EPHA6: variants seen among roughly 807,000 people sequenced by gnomAD.
The protein encoded by EPHA6 is EPH receptor A6.
In EPHA6, 50 loss-of-function variants were observed where a neutral mutation model predicts 112.0. The observed-to-expected ratio is 0.45, with a 90% confidence interval of 0.36 to 0.56. The LOEUF is 0.56. EPHA6 is among the 20% of genes least tolerant of loss of function. The pLI, the probability that EPHA6 is intolerant of heterozygous loss-of-function variation, is 0.00. For missense variants in EPHA6, 1,280 were observed against 1,417.4 expected, an observed-to-expected ratio of 0.90 and a Z score of 1.56; for synonymous variants, 529 against 490.7, an observed-to-expected ratio of 1.08 and a Z score of -1.03.
intron 1 of EPHA6, among the ~76,000 whole-genome samples, chr3:96,835,864 T>C (rs955020236): frequency 3.9e-5 from 6 of 152,120 alleles, no homozygotes; most frequent in Non-Finnish European, 4.4e-5. Context: ...TGTGGTGGAA[T>C]GAATCTCGTC....
chr3:96,990,398 A>C (rs759994593), intron 3 of EPHA6, among the ~76,000 whole-genome samples: 19 of 152,278 alleles, frequency 1.2e-4, no homozygotes, highest in Admixed American at 2.6e-4. Flanking sequence ...TGATTGCAGA[A>C]ACATGAGGGA....
At chr3:96,817,828 T>C (rs1481269353) in intron 1 of EPHA6, among the ~76,000 whole-genome samples, 1 of 151,908 alleles carries the variant, frequency 6.6e-6, no homozygotes, top group African/African-American at 2.4e-5. Context: ...AAAAGTAAAC[T>C]ACCTCATTCT....
chr3:97,467,936 A>C (rs1308389514), intron 7 of EPHA6, among the ~76,000 whole-genome samples: 1 of 151,804 alleles, frequency 6.6e-6, no homozygotes, highest in East Asian at 1.9e-4. Flanking sequence ...CTGCTTCTCC[A>C]TTAAATTGTA....
intron 14 of EPHA6, among the ~76,000 whole-genome samples, chr3:97,656,661 A>T (rs1043868074): frequency 6.6e-6 from 1 of 151,892 alleles, no homozygotes; most frequent in African/African-American, 2.4e-5. Context: ...GATCAGGCTT[A>T]TATAGGTCAA....
intron 14 of EPHA6, among the ~76,000 whole-genome samples, chr3:97,658,086 C>T (rs554194534): frequency 2.0e-5 from 3 of 151,790 alleles, no homozygotes; most frequent in Admixed American, 6.6e-5. Flanking sequence ...GCATACTGTA[C>T]AACATAAATT....
In EPHA6 at chr3:97,007,855, C is replaced by CT. The variant is rs568382152; in HGVS notation, c.1114+19864dup. ...TGTAAAGGATTTTATTTCTCCTTTG[C>CT]TTAAGAAACTTAGTTTGGCTGGATA... is the stretch of plus-strand genomic sequence containing the variant. On this transcript the variant is annotated intron_variant, in intron 3 of 17. Transcript: ENST00000389672. 4.3e-4 allele frequency among the ~76,000 whole-genome samples: 66 copies of CT among 152,262 alleles called. 1 individual carries two copies. In the East Asian group the frequency reaches 7.3e-3, roughly 17 times the overall value.
At chr3:96,983,160 C>T (rs928355464) in intron 2 of EPHA6, among the ~76,000 whole-genome samples, 2 of 152,178 alleles carry the variant, frequency 1.3e-5, no homozygotes, top group Non-Finnish European at 2.9e-5. Context: ...ATGGTCTTTA[C>T]AATCTGGCAT....
At chr3:97,564,110 A>G (rs1170431420) in intron 11 of EPHA6, among the ~76,000 whole-genome samples, 1 of 152,148 alleles carries the variant, frequency 6.6e-6, no homozygotes, top group African/African-American at 2.4e-5. Context: ...GGGGAAAACT[A>G]AAAATAATTA....
intron 2 of EPHA6, among the ~76,000 whole-genome samples, chr3:96,949,476 G>C (rs1559616512): frequency 6.6e-6 from 1 of 151,868 alleles, no homozygotes; most frequent in Non-Finnish European, 1.5e-5. Flanking sequence ...ATGACATGAT[G>C]GGACTTTTTG....
chr3:97,405,147 C>T lies in EPHA6; in HGVS notation c.1607-3C>T, dbSNP rs371494428. On this transcript the variant is annotated splice_polypyrimidine_tract_variant and splice_region_variant and intron_variant, in intron 5 of 17. Transcript: ENST00000389672. ...AATTCTTAGTTATTTTCTTTCCTTT[C>T]AGCACCTTCCCTGATAGGTGTGGTA... 1.9e-6 allele frequency: 3 copies of T among 1,589,038 alleles called. No individual in the cohort carries two copies. The highest frequency in any genetic ancestry group is 2.6e-6 in the Non-Finnish European group (3 of 1,165,892).
At chr3:97,416,402 C>T (rs1364698961) in intron 6 of EPHA6, among the ~76,000 whole-genome samples, 1 of 151,928 alleles carries the variant, frequency 6.6e-6, no homozygotes, top group African/African-American at 2.4e-5. Flanking sequence ...AGAGATGAAA[C>T]ATTTTCATTT....
chr3:96,865,694 C>CAA (rs57565102), intron 1 of EPHA6, among the ~76,000 whole-genome samples: 1,091 of 81,932 alleles, frequency 0.013, 7 homozygotes, highest in Admixed American at 0.035. Context: ...AAAAAACAAA[C>CAA]AAAAAAAAAA....
At chr3:97,322,037 A>G (rs2082145384) in intron 5 of EPHA6, among the ~76,000 whole-genome samples, 1 of 152,058 alleles carries the variant, frequency 6.6e-6, no homozygotes, top group Admixed American at 6.6e-5. Context: ...AGCTATGAAA[A>G]TTTAACGTTG....
intron 3 of EPHA6, among the ~76,000 whole-genome samples, chr3:96,994,740 G>GAC (rs2043349646): frequency 7.9e-6 from 1 of 126,490 alleles, no homozygotes; most frequent in Non-Finnish European, 1.6e-5. Context: ...TATAGAGAGA[G>GAC]AGAGAGAGAG....
At chr3:97,640,675 C>A (rs577423997) in intron 14 of EPHA6, among the ~76,000 whole-genome samples, 2 of 151,456 alleles carry the variant, frequency 1.3e-5, no homozygotes, top group Non-Finnish European at 2.9e-5. Context: ...GGCTACTCGG[C>A]AGGCTGAGGC....
At chr3:97,242,380 T>C (rs2078872235) in intron 4 of EPHA6, among the ~76,000 whole-genome samples, 1 of 151,848 alleles carries the variant, frequency 6.6e-6, no homozygotes, top group Non-Finnish European at 1.5e-5. Context: ...CTAATATTTT[T>C]CCCACCCCTC....
At chr3:97,537,020 A>G (rs2092773646) in intron 11 of EPHA6, among the ~76,000 whole-genome samples, 1 of 152,114 alleles carries the variant, frequency 6.6e-6, no homozygotes, top group Admixed American at 6.6e-5. Context: ...TCCACCTCCA[A>G]CTTTATTATA....
At chr3:97,709,074 G>A (rs1387288670) in intron 14 of EPHA6, among the ~76,000 whole-genome samples, 1 of 151,848 alleles carries the variant, frequency 6.6e-6, no homozygotes, top group Non-Finnish European at 1.5e-5. Flanking sequence ...CCCTACTGGG[G>A]CACTGCCTGG....
At chr3:97,526,136 G>A (rs2092616433) in intron 10 of EPHA6, among the ~76,000 whole-genome samples, 1 of 152,176 alleles carries the variant, frequency 6.6e-6, no homozygotes, top group Admixed American at 6.5e-5. Flanking sequence ...GTTTAAAAAG[G>A]TGGGGGCCAA....
Sources: allele counts gnomAD v4.1 joint callset (sites outside exome capture counted in the v4.1 genomes callset), GRCh38; gene constraint gnomAD v4.1.1; transcripts MANE v1.5; gene names NCBI Gene and HGNC (gene_info 2026-07-23, HGNC 2026-07-21).